Variants in RBMS3 observed in about 807,000 individuals in gnomAD.
RBMS3 encodes the protein RNA binding motif single stranded interacting protein 3.
RBMS3 carries 27 observed loss-of-function variants against 66.8 expected under a neutral mutation model. That is an observed-to-expected ratio of 0.40 (90% CI 0.30 to 0.56). The LOEUF (loss-of-function observed/expected upper bound fraction) is 0.56, where lower values mean the gene tolerates loss of function less well. Ranked by LOEUF, RBMS3 falls within the 20% of genes least tolerant of loss-of-function variation. The pLI, the probability that RBMS3 is intolerant of heterozygous loss-of-function variation, is 0.40. For missense variants in RBMS3, 513 were observed against 549.5 expected, an observed-to-expected ratio of 0.93 and a Z score of 0.66; for synonymous variants, 188 against 183.0, an observed-to-expected ratio of 1.03 and a Z score of -0.22.
chr3:29,966,857 G>T (rs1277221048), intron 12 of RBMS3, among the ~76,000 whole-genome samples: 3 of 152,096 alleles, frequency 2.0e-5, no homozygotes, highest in Non-Finnish European at 4.4e-5. Flanking sequence ...TTACATTAAG[G>T]TATGTCCCTT....
intron 3 of RBMS3, among the ~76,000 whole-genome samples, chr3:29,503,963 C>T (rs2044082070): frequency 6.6e-6 from 1 of 152,090 alleles, no homozygotes; most frequent in South Asian, 2.1e-4. Context: ...CGAGTTAAAG[C>T]ATTACCTGAA....
chr3:29,855,582 G>C (rs1417571091), intron 6 of RBMS3, among the ~76,000 whole-genome samples: 1 of 152,132 alleles, frequency 6.6e-6, no homozygotes, highest in Non-Finnish European at 1.5e-5. Flanking sequence ...TTAGAAAATA[G>C]GGGAAAGATT....
chr3:30,001,371 T>A (rs980955874), intron 14 of RBMS3, among the ~76,000 whole-genome samples: 1 of 152,056 alleles, frequency 6.6e-6, no homozygotes, highest in African/African-American at 2.4e-5. Flanking sequence ...TCTAAGATTA[T>A]CGTTTGTTAC....
intron 7 of RBMS3, 97 bp from the exon 8 acceptor site, chr3:29,884,065 G>A (rs914553742): frequency 9.5e-7 from 1 of 1,056,474 alleles, no homozygotes. Context: ...TTAGATCATG[G>A]AAAGTAATGA....
Position 30,007,316 on chromosome 3 carries a change from A to G in RBMS3, c.*3454A>G, listed in dbSNP as rs1699829623. 6.6e-6 allele frequency: 1 copy of G among 152,006 alleles called. No homozygotes were observed. Among genetic ancestry groups the G allele is most frequent in the African/African-American group, 2.4e-5 (1 of 41,412 alleles). 9.4% of individuals were successfully genotyped at this position (152,006 alleles called of 1,614,324 possible). A position where few individuals can be genotyped will look rare whatever the true frequency, so the allele number is the denominator to read the frequency against. On this transcript the variant is annotated 3_prime_UTR_variant, in exon 15 of 15. Coordinates refer to ENST00000383767, the MANE Select transcript of RBMS3 (RefSeq NM_001003793.3). ...TGTCGCCCATCCTAACTAGGACTATAATCTTTTTTTTTTTCTTTAAGTTGA... is the reference window on the plus strand; with the variant it reads ...TGTCGCCCATCCTAACTAGGACTATGATCTTTTTTTTTTTCTTTAAGTTGA...
intron 12 of RBMS3, among the ~76,000 whole-genome samples, chr3:29,952,613 C>T (rs575255377): frequency 1.3e-5 from 2 of 151,864 alleles, no homozygotes; most frequent in South Asian, 4.1e-4. Flanking sequence ...ATGAAATCTG[C>T]TGTTGATTTG....
intron 3 of RBMS3, among the ~76,000 whole-genome samples, chr3:29,573,357 G>A (rs1230983127): frequency 6.6e-6 from 1 of 152,098 alleles, no homozygotes; most frequent in Non-Finnish European, 1.5e-5. Context: ...CCAACCTCTG[G>A]TGATTTGCCT....
At chr3:29,853,423 C>CTTTTTTTTTTTTTTTTTTTTTTTT (rs71091081) in intron 6 of RBMS3, among the ~76,000 whole-genome samples, 10 of 84,526 alleles carry the variant, frequency 1.2e-4, no homozygotes, top group African/African-American at 4.9e-4. Flanking sequence ...AATTTACTTT[C>CTTTTTTTTTTTTTTTTTTTTTTTT]TTTTTTTTTT....
At chr3:29,346,505 G>C (rs2125548537) in intron 1 of RBMS3, among the ~76,000 whole-genome samples, 1 of 144,196 alleles carries the variant, frequency 6.9e-6, no homozygotes, top group South Asian at 2.2e-4. Flanking sequence ...CCGGGTTCAA[G>C]TGATTCTCCT....
chr3:29,546,188 TATTTA>T (rs914933482), intron 3 of RBMS3, among the ~76,000 whole-genome samples: 3 of 151,922 alleles, frequency 2.0e-5, no homozygotes, highest in African/African-American at 4.8e-5. Flanking sequence ...ATTTATTTTT[TATTTA>T]ATTTAGCTAC....
chr3:29,895,736 A>G (rs749211218), intron 8 of RBMS3, among the ~76,000 whole-genome samples: 4 of 151,454 alleles, frequency 2.6e-5, no homozygotes, highest in Non-Finnish European at 4.4e-5. Flanking sequence ...TTTTTATTTA[A>G]TTTTGGTTAG....
chr3:29,533,745 C>G (rs910518361), intron 3 of RBMS3, among the ~76,000 whole-genome samples: 2 of 152,118 alleles, frequency 1.3e-5, no homozygotes, highest in African/African-American at 4.8e-5. Flanking sequence ...CCACTGCACT[C>G]CAGCCTGGGC....
intron 3 of RBMS3, among the ~76,000 whole-genome samples, chr3:29,508,134 TCTCTC>T (rs1955573955): frequency 1.3e-5 from 2 of 152,184 alleles, no homozygotes; most frequent in South Asian, 2.1e-4. Context: ...TCTGGCTTGT[TCTCTC>T]CTCTCTAACA....
At chr3:29,695,838 A>T (rs111516835) in intron 4 of RBMS3, among the ~76,000 whole-genome samples, 57 of 152,320 alleles carry the variant, frequency 3.7e-4, no homozygotes, top group Middle Eastern at 3.4e-3. Flanking sequence ...AATTTTAGCC[A>T]AAAATGTAAA....
At chr3:29,558,621 G>A (rs1379045470) in intron 3 of RBMS3, among the ~76,000 whole-genome samples, 1 of 152,164 alleles carries the variant, frequency 6.6e-6, no homozygotes, top group Non-Finnish European at 1.5e-5. Flanking sequence ...CCAGCATTGT[G>A]TTGGGTACTG....
chr3:29,958,510 T>A (rs1444279569), intron 12 of RBMS3, among the ~76,000 whole-genome samples: 42 of 152,138 alleles, frequency 2.8e-4, no homozygotes, highest in Admixed American at 2.8e-3. Flanking sequence ...TAGGAAAGTA[T>A]GTTTGATTGA....
intron 1 of RBMS3, among the ~76,000 whole-genome samples, chr3:29,431,571 G>A (rs546436448): frequency 3.3e-5 from 5 of 152,122 alleles, no homozygotes; most frequent in South Asian, 4.2e-4. Context: ...GACTACAGGC[G>A]TGAGCCACCG....
At chr3:29,739,671 G>A in intron 4 of RBMS3, 49 bp from the exon 5 acceptor site, 3 of 1,458,724 alleles carry the variant, frequency 2.1e-6, no homozygotes, top group African/African-American at 1.4e-5. Context: ...TTTGTACAAT[G>A]TTTCTCAATA....
At position 29,281,831 on chromosome 3, in the gene RBMS3, G is replaced by C. The variant is rs990881857; in HGVS notation, c.75+75G>C. ...TGGGATGGGAAACAGACAGGCGTGT[G>C]AATTATTAGTTAACCCCCACCCCCA... On this transcript the variant is annotated intron_variant, in intron 1 of 14. Transcript: ENST00000383767. 32 of 1,284,054 alleles carry C rather than the reference G, an allele frequency of 2.5e-5. No individual in the cohort carries two copies. In the African/African-American group the frequency reaches 3.0e-4, roughly 12 times the overall value. 79.5% of individuals were successfully genotyped at this position (1,284,054 alleles called of 1,614,324 possible). A position where few individuals can be genotyped will look rare whatever the true frequency, so the allele number is the denominator to read the frequency against.
Sources: gnomAD v4.1 joint callset for allele counts (sites outside exome capture counted in the v4.1 genomes callset) on GRCh38, gnomAD v4.1.1 for gene constraint, MANE v1.5 for transcripts, NCBI Gene and HGNC (gene_info 2026-07-23, HGNC 2026-07-21) for gene names.